Variants in MRPL1 observed in about 807,000 individuals in gnomAD.
MRPL1 encodes mitochondrial ribosomal protein L1, also known as large ribosomal subunit protein uL1m.
MRPL1 carries 28 observed loss-of-function variants against 38.0 expected under a neutral mutation model. That is an observed-to-expected ratio of 0.74 (90% CI 0.55 to 1.01). The LOEUF (loss-of-function observed/expected upper bound fraction) is 1.01. Among genes scored for constraint, MRPL1 ranks in the 50% least tolerant of loss-of-function variants. The pLI is 0.00. For missense variants in MRPL1, 358 were observed against 389.8 expected, an observed-to-expected ratio of 0.92 and a Z score of 0.69; for synonymous variants, 123 against 126.7, an observed-to-expected ratio of 0.97 and a Z score of 0.20.
chr4:77,872,821 C>A (rs557554489), intron 2 of MRPL1, among the ~76,000 whole-genome samples: 17 of 152,272 alleles, frequency 1.1e-4, no homozygotes, highest in African/African-American at 3.9e-4. Flanking sequence ...CGAGATCGCA[C>A]CACTGTGCTC....
At position 77,895,651 on chromosome 4, in the gene MRPL1, C is replaced by T. The variant is rs900829152; in HGVS notation, c.670+1401C>T. ...AATTCTGCTAAAATTTTTATATATCCTAGCCACTAACAACTTGTCTGAATT... is the reference window on the plus strand; with the variant it reads ...AATTCTGCTAAAATTTTTATATATCTTAGCCACTAACAACTTGTCTGAATT... On this transcript the variant is annotated intron_variant, in intron 6 of 8. Coordinates refer to ENST00000315567, the MANE Select transcript of MRPL1 (RefSeq NM_020236.4). Among the ~76,000 whole-genome samples, 2 of 151,998 alleles carry T rather than the reference C, an allele frequency of 1.3e-5. 1 individual carries two copies. The highest frequency in any genetic ancestry group is 4.1e-4 in the South Asian group (2 of 4,834).
At chr4:77,936,771 C>G (rs1736991303) in intron 7 of MRPL1, among the ~76,000 whole-genome samples, 1 of 152,088 alleles carries the variant, frequency 6.6e-6, no homozygotes, top group Non-Finnish European at 1.5e-5. Context: ...AAATTCAAGG[C>G]TCTCATACAC....
chr4:77,918,263 ACTGTTT>A, intron 7 of MRPL1, among the ~76,000 whole-genome samples: 1 of 152,278 alleles, frequency 6.6e-6, no homozygotes, highest in Middle Eastern at 3.4e-3. Flanking sequence ...TATTGATTCA[ACTGTTT>A]TAAAGAAACC....
At chr4:77,907,571 C>G (rs924048252) in intron 6 of MRPL1, among the ~76,000 whole-genome samples, 7 of 150,240 alleles carry the variant, frequency 4.7e-5, no homozygotes, top group African/African-American at 7.3e-5. Context: ...TTTCTCCCCT[C>G]CCCTCCTGTT....
chr4:77,900,514 C>T (rs891267767), intron 6 of MRPL1, among the ~76,000 whole-genome samples: 1 of 152,152 alleles, frequency 6.6e-6, no homozygotes, highest in African/African-American at 2.4e-5. Flanking sequence ...GCTTTCCTTA[C>T]ATGAATCAGG....
At chr4:77,901,469 T>TAA (rs200812830) in intron 6 of MRPL1, among the ~76,000 whole-genome samples, 1 of 142,340 alleles carries the variant, frequency 7.0e-6, no homozygotes. Flanking sequence ...ATTATAAGAT[T>TAA]AAAAAAAAAA....
intron 6 of MRPL1, among the ~76,000 whole-genome samples, chr4:77,895,917 A>G (rs1024714583): frequency 6.6e-6 from 1 of 152,178 alleles, no homozygotes; most frequent in Admixed American, 6.5e-5. Flanking sequence ...CCAGAATTGC[A>G]GTTGAATTTG....
chr4:77,917,719 T>C (rs1736453141), intron 7 of MRPL1, among the ~76,000 whole-genome samples: 1 of 152,124 alleles, frequency 6.6e-6, no homozygotes, highest in South Asian at 2.1e-4. Context: ...GAGATAGATA[T>C]GTAAATAAAG....
At chr4:77,877,569 G>C (rs1735427580) in intron 2 of MRPL1, among the ~76,000 whole-genome samples, 2 of 150,074 alleles carry the variant, frequency 1.3e-5, no homozygotes, top group South Asian at 4.3e-4. Context: ...TTCTATTCCT[G>C]GTGATGGGTG....
intron 6 of MRPL1, 105 bp from the exon 7 acceptor site, chr4:77,909,161 A>G: frequency 1.3e-6 from 1 of 763,932 alleles, no homozygotes; most frequent in Non-Finnish European, 2.3e-6. Context: ...TTTATCTGCC[A>G]CAATTTATTT....
chr4:77,864,922 GCT>G (rs926010687), intron 1 of MRPL1: 2 of 123,132 alleles, frequency 1.6e-5, no homozygotes, highest in Admixed American at 1.8e-4. Flanking sequence ...AAGGAATCTT[GCT>G]CTGTCACCCA....
At chr4:77,872,469 C>T (rs1735304388) in intron 2 of MRPL1, among the ~76,000 whole-genome samples, 1 of 152,080 alleles carries the variant, frequency 6.6e-6, no homozygotes. Context: ...TGGTGGCTTA[C>T]ATCTATAATC....
At chr4:77,873,511 A>G (rs1381113986) in intron 2 of MRPL1, among the ~76,000 whole-genome samples, 2 of 152,366 alleles carry the variant, frequency 1.3e-5, no homozygotes, top group East Asian at 3.9e-4. Flanking sequence ...GGATACCCAA[A>G]ATGAAAACTA....
At chr4:77,938,128 C>A (rs997380099) in intron 7 of MRPL1, among the ~76,000 whole-genome samples, 1 of 152,222 alleles carries the variant, frequency 6.6e-6, no homozygotes, top group African/African-American at 2.4e-5. Flanking sequence ...CAGCTCTCCA[C>A]CTGTTTTTGT....
intron 6 of MRPL1, chr4:77,906,915 T>C: frequency 6.2e-6 from 6 of 961,730 alleles, no homozygotes; most frequent in Non-Finnish European, 7.4e-6. Context: ...TTAGTAATTA[T>C]TCATTTGTAT....
At chr4:77,888,169 A>G (rs1275358285) in intron 5 of MRPL1, among the ~76,000 whole-genome samples, 2 of 152,168 alleles carry the variant, frequency 1.3e-5, no homozygotes, top group Non-Finnish European at 2.9e-5. Flanking sequence ...GCATAGACTC[A>G]GTATGGTAGC....
In MRPL1 at chr4:77,952,449, C is replaced by T. The variant is rs537971832; in HGVS notation, c.860-40C>T. ...TTTATTTGCTCATGAGGTGGTATTGCGATATAAAAATCAAAGTTGATTCTC... is the reference window on the plus strand; with the variant it reads ...TTTATTTGCTCATGAGGTGGTATTGTGATATAAAAATCAAAGTTGATTCTC... On this transcript the variant is annotated intron_variant, in intron 8 of 8. Transcript: ENST00000315567. The T allele has an allele frequency of 7.9e-5, 108 of 1,363,796 alleles. 1 individual carries two copies. The South Asian group carries it at 1.1e-3, about 13-fold the overall frequency. The allele number at this position is 1,363,796 out of a possible 1,614,324, so 84.5% of individuals were successfully genotyped here. A position where few individuals can be genotyped will look rare whatever the true frequency, so the allele number is the denominator to read the frequency against.
rs563602092 is a variant in MRPL1, at chr4:77,933,182, G to A, written c.778-16615G>A. 4.6e-5 allele frequency among the ~76,000 whole-genome samples: 7 copies of A among 152,256 alleles called. No individual in the cohort carries two copies. The South Asian group carries it at 8.3e-4, about 18-fold the overall frequency. ...GCTGGCCTCGAACTCCTGTTCTCAA[G>A]TGATCCTCCAGCCTCAGCACCCAGC... is the stretch of plus-strand genomic sequence containing the variant. On this transcript the variant is annotated intron_variant, in intron 7 of 8. Coordinates refer to ENST00000315567, the MANE Select transcript of MRPL1 (RefSeq NM_020236.4).
intron 5 of MRPL1, among the ~76,000 whole-genome samples, chr4:77,890,519 C>T (rs1735782962): frequency 6.6e-6 from 1 of 152,186 alleles, no homozygotes; most frequent in African/African-American, 2.4e-5. Context: ...GACAAACCCA[C>T]AGCCAATATC....
Sources: gnomAD v4.1 joint callset for allele counts (sites outside exome capture counted in the v4.1 genomes callset) on GRCh38, gnomAD v4.1.1 for gene constraint, MANE v1.5 for transcripts, NCBI Gene and HGNC (gene_info 2026-07-23, HGNC 2026-07-21) for gene names.